Variants in ATP7B observed in about 807,000 individuals in gnomAD.
The protein encoded by ATP7B is copper-transporting ATPase 2.
ATP7B carries 113 observed loss-of-function variants against 118.9 expected under a neutral mutation model. The observed-to-expected ratio is 0.95, with a 90% CI of 0.82 to 1.11. The LOEUF is 1.11. Among genes scored for constraint, ATP7B ranks in the 50% most tolerant of loss-of-function variants. The probability of loss-of-function intolerance (pLI) is 0.00; values close to 1 mark genes in which losing one functional copy is unlikely to be tolerated. For synonymous variants in ATP7B, 777 were observed against 727.4 expected, an observed-to-expected ratio of 1.07 and a Z score of -1.10; for missense variants, 1,867 against 1,871.4, an observed-to-expected ratio of 1.00 and a Z score of 0.04.
chr13:51,976,056 G>A (rs1212691418), intron 1 of ATP7B, among the ~76,000 whole-genome samples: 1 of 152,190 alleles, frequency 6.6e-6, no homozygotes, highest in African/African-American at 2.4e-5. Context: ...TTCTACACAG[G>A]ATGATGTAGT....
At chr13:52,002,826 C>G (rs1050434636) in intron 1 of ATP7B, among the ~76,000 whole-genome samples, 3 of 152,124 alleles carry the variant, frequency 2.0e-5, no homozygotes, top group African/African-American at 7.2e-5. Flanking sequence ...TATAGTCTAT[C>G]AAGTGTGCAA....
chr13:51,945,829 A>T (rs1403969200), intron 13 of ATP7B, among the ~76,000 whole-genome samples: 1 of 152,110 alleles, frequency 6.6e-6, no homozygotes, highest in Non-Finnish European at 1.5e-5. Flanking sequence ...GTTGGGCAAA[A>T]GGAAGACTCT....
intron 4 of ATP7B, chr13:51,967,260 T>A: frequency 1.3e-6 from 1 of 766,634 alleles, no homozygotes; most frequent in Non-Finnish European, 2.1e-6. Flanking sequence ...CTGTGTTCAA[T>A]TATCTTTATC....
intron 1 of ATP7B, among the ~76,000 whole-genome samples, chr13:51,998,233 C>T (rs1593860433): frequency 6.6e-6 from 1 of 152,162 alleles, no homozygotes; most frequent in Non-Finnish European, 1.5e-5. Flanking sequence ...CTTCTCTGTC[C>T]ACCGAGGCTG....
In ATP7B at chr13:51,947,568, A is replaced by G. The variant is rs74085891; in HGVS notation, c.2866-1090T>C. On this transcript the variant is annotated intron_variant, in intron 12 of 20. Transcript: ENST00000242839. The stretch of plus-strand genomic sequence containing the variant: ...ACCACAGCCTCTTTAGCTTCCATCT[A>G]CATTTTATTATTTCACTCTGAAAGG... Among the ~76,000 whole-genome samples, 574 of 152,292 alleles carry G rather than the reference A, an allele frequency of 3.8e-3. 3 individuals are homozygous for G. The highest frequency in any genetic ancestry group is 0.013 in the African/African-American group (557 of 41,566).
intron 1 of ATP7B, among the ~76,000 whole-genome samples, chr13:52,002,273 C>T (rs1327410784): frequency 6.6e-6 from 1 of 151,782 alleles, no homozygotes; most frequent in Non-Finnish European, 1.5e-5. Flanking sequence ...CAATACTCAA[C>T]ATTCAGGGCC....
Position 51,974,576 on chromosome 13 carries a change from GC to G in ATP7B, c.643del (p.Ala215LeufsTer3). The G allele has an allele frequency of 2.5e-6, 4 of 1,614,180 alleles. No individual in the cohort carries two copies. The highest frequency in any genetic ancestry group is 3.4e-6 in the Non-Finnish European group (4 of 1,180,026). On this transcript the variant is annotated frameshift_variant, in exon 2 of 21. Transcript: ENST00000242839. LOFTEE classifies it high-confidence loss of function. Reference sequence around the variant, plus strand: ...ATCAATTGGTCCCAGGCTTAAGGGAGCCACTTTGCTCTTGATGGCAGCTTCA... The same window carrying G: ...ATCAATTGGTCCCAGGCTTAAGGGAGCACTTTGCTCTTGATGGCAGCTTCA... ...GFEAAIKSKV[A>X]PLSLGPIDIE... is the part of the protein sequence containing the mutation.
intron 9 of ATP7B, among the ~76,000 whole-genome samples, chr13:51,953,948 G>C (rs1958177872): frequency 6.6e-6 from 1 of 150,924 alleles, no homozygotes; most frequent in Admixed American, 6.6e-5. Context: ...CATGTGTGCA[G>C]TATGTTTCTT....
chr13:51,984,292 G>A (rs184066416), intron 1 of ATP7B, among the ~76,000 whole-genome samples: 6 of 152,070 alleles, frequency 3.9e-5, no homozygotes, highest in East Asian at 3.9e-4. Flanking sequence ...TAGCCAAATC[G>A]ATCAAGCAGA....
At chr13:51,957,486 C>A in intron 9 of ATP7B, 30 bp downstream of exon 9, 1 of 1,594,886 alleles carries the variant, frequency 6.3e-7, no homozygotes, top group Non-Finnish European at 8.6e-7. Flanking sequence ...TAGATACCAA[C>A]CACAAAGACA....
chr13:51,977,810 G>A (rs1486630547), intron 1 of ATP7B, among the ~76,000 whole-genome samples: 2 of 152,250 alleles, frequency 1.3e-5, no homozygotes, highest in Admixed American at 1.3e-4. Context: ...GAGATCACTA[G>A]GCAATAGGAA....
rs2139971742 is a variant in ATP7B, at chr13:51,970,686, T to C, written c.1349A>G (p.Asp450Gly). 1 of 1,614,168 alleles carries C rather than the reference T, an allele frequency of 6.2e-7. No individual in the cohort carries two copies. The highest frequency in any genetic ancestry group is 8.5e-7 in the Non-Finnish European group (1 of 1,180,010). Residue 450 changes from aspartate to glycine, a missense_variant, in exon 3 of 21, where the codon GAT becomes GGT. Asp to Gly is a moderately conservative substitution (Grantham distance 94). Transcript: ENST00000242839. ...SAGNSMVQTT[D>G]GTPTSVQEVA... ...TTCCTGCACAGATGTAGGTGTACCATCTGTAGTTTGCACCATGGAATTCCC... is the reference window on the plus strand; with the variant it reads ...TTCCTGCACAGATGTAGGTGTACCACCTGTAGTTTGCACCATGGAATTCCC...
Position 52,011,385 on chromosome 13 carries a change from A to G in ATP7B, c.-48T>C. ...CTTCTCTGATCTGGCTCAGAGCAAA[A>G]GGTCACCTGGTCGGTGGAGGAGAGC... is the stretch of plus-strand genomic sequence containing the variant. On this transcript the variant is annotated 5_prime_UTR_variant, in exon 1 of 21. Transcript: ENST00000242839. The G allele has an allele frequency of 6.2e-7, 1 of 1,613,476 alleles. No homozygotes were observed. Among genetic ancestry groups the G allele is most frequent in the African/African-American group, 1.3e-5 (1 of 75,048 alleles).
chr13:51,951,354 C>T (rs1593700806), intron 9 of ATP7B, among the ~76,000 whole-genome samples: 2 of 151,822 alleles, frequency 1.3e-5, no homozygotes, highest in East Asian at 3.9e-4. Flanking sequence ...GGAGAAGCAG[C>T]TAAGGGAGGG....
At chr13:51,958,754 C>G in intron 7 of ATP7B, 3 of 598,244 alleles carry the variant, frequency 5.0e-6, no homozygotes, top group East Asian at 5.6e-5. Context: ...GCATGTGAGA[C>G]CTTTAAAACC....
rs1952022786 is a variant in ATP7B, at chr13:51,974,762, G to A, written c.458C>T (p.Thr153Ile). 1.2e-6 allele frequency: 2 copies of A among 1,614,186 alleles called. No homozygotes were observed. The highest frequency in any genetic ancestry group is 2.2e-5 in the South Asian group (2 of 91,080). ...AATGGAGCTGACACAGGACTGGCAG[G>A]TCATGCCCTCCACCCGGAGCTTGAC... Reference protein sequence around the residue: ...AVVKLRVEGMTCQSCVSSIEG... With the variant: ...AVVKLRVEGMICQSCVSSIEG... The change falls in exon 2 of 21, where the codon ACC (threonine) becomes ATC (isoleucine). Residue 153 changes from threonine (T) to isoleucine (I), a missense_variant. Thr to Ile is a moderately conservative substitution (Grantham distance 89). Transcript: ENST00000242839.
chr13:51,965,022 C>A lies in ATP7B; in HGVS notation c.1719G>T (p.Met573Ile). The change falls in exon 5 of 21, where the codon ATG becomes ATT. Residue 573 changes from methionine (M) to isoleucine (I), a missense_variant. Coordinates refer to ENST00000242839, the MANE Select transcript of ATP7B (RefSeq NM_000053.4). ...TGTTGTGGACACAGGACGCGCAGGT[C>A]ATCCCTGTGATCTGCAACACAGGAT... ...DGNIELTITG[M>I]TCASCVHNIE... 6.2e-7 allele frequency: 1 copy of A among 1,614,104 alleles called. No individual in the cohort carries two copies.
intron 1 of ATP7B, among the ~76,000 whole-genome samples, chr13:51,985,805 T>C (rs971415667): frequency 1.3e-5 from 2 of 152,156 alleles, no homozygotes; most frequent in Admixed American, 1.3e-4. Context: ...AACAACCTGC[T>C]CCTGAATGAC....
At chr13:51,967,191 G>A in intron 4 of ATP7B, 3 of 1,416,848 alleles carry the variant, frequency 2.1e-6, no homozygotes, top group Non-Finnish European at 2.9e-6. Flanking sequence ...CTAAGAGAAT[G>A]ACCAAGCTCA....
Sources: gnomAD v4.1 joint callset for allele counts (sites outside exome capture counted in the v4.1 genomes callset) on GRCh38, gnomAD v4.1.1 for gene constraint, MANE v1.5 for transcripts, NCBI Gene and HGNC (gene_info 2026-07-23, HGNC 2026-07-21) for gene names.